NINL: variants seen among roughly 807,000 people sequenced by gnomAD.
NINL encodes ninein-like protein.
Under a neutral mutation model 160.3 loss-of-function variants are expected in NINL, and 153 were observed. That is an observed-to-expected ratio of 0.95 (90% CI 0.84 to 1.09). The LOEUF (loss-of-function observed/expected upper bound fraction) is 1.09. Ranked by LOEUF, NINL falls within the 50% of genes least tolerant of loss-of-function variation. The pLI, the probability that NINL is intolerant of heterozygous loss-of-function variation, is 0.00. For missense variants in NINL, 1,829 were observed against 1,764.0 expected (o/e 1.04, Z -0.66); for synonymous variants, 800 against 734.8 (o/e 1.09, Z -1.43).
intron 5 of NINL, among the ~76,000 whole-genome samples, chr20:25,510,241 T>G (rs1413749580): frequency 6.6e-6 from 1 of 152,234 alleles, no homozygotes; most frequent in African/African-American, 2.4e-5. Flanking sequence ...TGGTGGGTGC[T>G]GAGACTGCCC....
chr20:25,527,214 C>A (rs1464663339), intron 1 of NINL, among the ~76,000 whole-genome samples: 1 of 151,512 alleles, frequency 6.6e-6, no homozygotes, highest in Non-Finnish European at 1.5e-5. Context: ...AGTGCAGTAG[C>A]GTAATCTCAG....
intron 7 of NINL, among the ~76,000 whole-genome samples, chr20:25,502,991 A>G (rs1364399796): frequency 6.6e-6 from 1 of 152,220 alleles, no homozygotes; most frequent in Non-Finnish European, 1.5e-5. Flanking sequence ...CCATTCCACA[A>G]TGGGGAGGAC....
Position 25,476,909 on chromosome 20 carries a change from C to T in NINL, c.2382G>A (p.Lys794=). ...ALKLQPCASE[K]RAQMCVSLAL... Reference sequence around the variant, plus strand: ...CCAACGATACGCACATCTGGGCGCGCTTCTCGCTCGCACAGGGCTGCAGCT... The same window carrying T: ...CCAACGATACGCACATCTGGGCGCGTTTCTCGCTCGCACAGGGCTGCAGCT... Residue 794 remains lysine (K), a synonymous_variant, in exon 17 of 24, where the codon AAG becomes AAA. Coordinates refer to ENST00000278886, the MANE Select transcript of NINL (RefSeq NM_025176.6). 6.2e-7 allele frequency: 1 copy of T among 1,613,056 alleles called. No individual in the cohort carries two copies. The highest frequency in any genetic ancestry group is 8.5e-7 in the Non-Finnish European group (1 of 1,179,910).
intron 1 of NINL, among the ~76,000 whole-genome samples, chr20:25,580,350 G>A (rs1488609212): frequency 6.7e-6 from 1 of 148,874 alleles, no homozygotes; most frequent in Non-Finnish European, 1.5e-5. Flanking sequence ...AAAAAAAAAT[G>A]TAATGATTGC....
intron 11 of NINL, among the ~76,000 whole-genome samples, chr20:25,490,563 GA>G (rs59001259): frequency 0.12 from 9,231 of 79,784 alleles, 407 homozygotes; most frequent in African/African-American, 0.21. Context: ...CCATCTCAAG[GA>G]AAAAAAAAAA....
At chr20:25,469,859 T>C in intron 18 of NINL, 132 bp downstream of exon 18, 1 of 662,064 alleles carries the variant, frequency 1.5e-6, no homozygotes, top group Non-Finnish European at 2.7e-6. Flanking sequence ...ACAAGGCTCA[T>C]GGTTTAGGGT....
At chr20:25,577,319 C>T (rs1178201221) in intron 1 of NINL, among the ~76,000 whole-genome samples, 3 of 152,220 alleles carry the variant, frequency 2.0e-5, no homozygotes, top group African/African-American at 7.2e-5. Context: ...GCCGCCTCTC[C>T]TGTGTTGGAG....
rs1288491655 is a variant in NINL at position 25,476,731 on chromosome 20, C to T, written c.2560G>A (p.Gly854Arg). The T allele has an allele frequency of 2.2e-5, 35 of 1,605,370 alleles. No individual in the cohort carries two copies. Among genetic ancestry groups the T allele is most frequent in the Non-Finnish European group, 2.8e-5 (33 of 1,179,116 alleles). The change falls in exon 17 of 24, where the codon GGG (glycine) becomes AGG (arginine). Residue 854 changes from glycine (G) to arginine (R), a missense_variant. By Grantham distance (125) the Gly-to-Arg change is moderately radical. Coordinates refer to ENST00000278886, the MANE Select transcript of NINL (RefSeq NM_025176.6). ...RGLLPLRPGC[G>R]ERPLAWLAPG... ...GCCAGCCAGGCCAGTGGCCGCTCCC[C>T]ACAGCCCGGACGCAGTGGTAGGAGG...
At position 25,453,262 on chromosome 20, in the gene NINL, A is replaced by G; in HGVS notation, c.*189T>C. On this transcript the variant is annotated 3_prime_UTR_variant, in exon 24 of 24. Coordinates refer to ENST00000278886, the MANE Select transcript of NINL (RefSeq NM_025176.6). ...AAAAACGCCGGCTTCTGCAACATGC[A>G]TATTCCCCCAGCCCCCACCTCCATC... The G allele has an allele frequency of 6.2e-6, 3 of 484,004 alleles. No homozygotes were observed. The highest frequency in any genetic ancestry group is 5.4e-4 in the Middle Eastern group (1 of 1,866). The allele number at this position is 484,004 out of a possible 1,614,324, so 30.0% of individuals were successfully genotyped here. A position where few individuals can be genotyped will look rare whatever the true frequency, so the allele number is the denominator to read the frequency against.
intron 1 of NINL, among the ~76,000 whole-genome samples, chr20:25,560,694 T>A (rs2064923824): frequency 6.6e-6 from 1 of 152,164 alleles, no homozygotes; most frequent in South Asian, 2.1e-4. Context: ...TGGAGTTTAA[T>A]GTCTCCTTGC....
intron 1 of NINL, among the ~76,000 whole-genome samples, chr20:25,572,847 G>A (rs1279439449): frequency 6.6e-6 from 1 of 152,134 alleles, no homozygotes; most frequent in African/African-American, 2.4e-5. Context: ...TATAAGGAAA[G>A]AATATTAACT....
chr20:25,493,702 AC>A (rs2063688532), intron 10 of NINL, among the ~76,000 whole-genome samples: 2 of 151,960 alleles, frequency 1.3e-5, no homozygotes, highest in Admixed American at 1.3e-4. Flanking sequence ...TGATAACGCT[AC>A]AAGGCTGGCC....
At chr20:25,542,828 C>T (rs1230830677) in intron 1 of NINL, among the ~76,000 whole-genome samples, 1 of 141,750 alleles carries the variant, frequency 7.1e-6, no homozygotes, top group East Asian at 2.2e-4. Context: ...GTCATGAGTT[C>T]GAGACCAACC....
At chr20:25,527,029 C>G (rs1322614011) in intron 1 of NINL, among the ~76,000 whole-genome samples, 1 of 151,884 alleles carries the variant, frequency 6.6e-6, no homozygotes, top group Admixed American at 6.6e-5. Flanking sequence ...AACCCTATCT[C>G]AAAAAGGAAA....
At chr20:25,522,467 A>G (rs2064280508) in intron 2 of NINL, among the ~76,000 whole-genome samples, 1 of 152,204 alleles carries the variant, frequency 6.6e-6, no homozygotes, top group Non-Finnish European at 1.5e-5. Flanking sequence ...CATTTTTCCT[A>G]TCTGAATCAA....
At chr20:25,577,800 CAG>C (rs201368078) in intron 1 of NINL, among the ~76,000 whole-genome samples, 2,432 of 151,518 alleles carry the variant, frequency 0.016, 32 homozygotes, top group Middle Eastern at 0.058. Flanking sequence ...GTCCCAGGAA[CAG>C]ACTCATTTTT....
In NINL at chr20:25,455,664, A is replaced by G. The variant is rs772625950; in HGVS notation, c.3957+9T>C. On this transcript the variant is annotated intron_variant, in intron 23 of 23. Coordinates refer to ENST00000278886, the MANE Select transcript of NINL (RefSeq NM_025176.6). ...CGTGAACACGAAAGCAGCAGCGCCC[A>G]TCACTCACCTGCTCCTTCAGCTTAT... 7 of 1,599,150 alleles carry G rather than the reference A, an allele frequency of 4.4e-6. No individual in the cohort carries two copies. Among genetic ancestry groups the G allele is most frequent in the Non-Finnish European group, 6.0e-6 (7 of 1,166,440 alleles).
intron 1 of NINL, among the ~76,000 whole-genome samples, chr20:25,573,614 G>A (rs555896700): frequency 6.6e-6 from 1 of 152,318 alleles, no homozygotes; most frequent in East Asian, 1.9e-4. Context: ...AGAATTGCCT[G>A]TCAACCTAAA....
At chr20:25,489,421 G>A (rs1568899987) in intron 12 of NINL, 97 bp from the exon 13 acceptor site, 4 of 957,816 alleles carry the variant, frequency 4.2e-6, no homozygotes, top group Non-Finnish European at 5.0e-6. Flanking sequence ...CCCAGCTTCT[G>A]CCAACACCAG....
Sources: gnomAD v4.1 joint callset for allele counts (sites outside exome capture counted in the v4.1 genomes callset) on GRCh38, gnomAD v4.1.1 for gene constraint, MANE v1.5 for transcripts, NCBI Gene and HGNC (gene_info 2026-07-23, HGNC 2026-07-21) for gene names.